The following DHX57 variants were observed in gnomAD, a reference collection of about 807,000 sequenced individuals.
The protein encoded by DHX57 is putative ATP-dependent RNA helicase DHX57.
DHX57 carries 105 observed loss-of-function variants against 156.2 expected under a neutral mutation model. The ratio of observed to expected loss-of-function variants is 0.67; its 90% CI spans 0.57 to 0.79. The LOEUF (loss-of-function observed/expected upper bound fraction) is 0.79, where lower values mean the gene tolerates loss of function less well. Ranked by LOEUF, DHX57 falls within the 30% of genes least tolerant of loss-of-function variation. The pLI is 0.00. For missense variants in DHX57, 1,847 were observed against 1,661.9 expected (o/e 1.11, Z -1.94); for synonymous variants, 704 against 595.6 (o/e 1.18, Z -2.65).
At chr2:38,857,707 C>T (rs1252402510) in intron 6 of DHX57, among the ~76,000 whole-genome samples, 2 of 152,192 alleles carry the variant, frequency 1.3e-5, no homozygotes, top group Non-Finnish European at 2.9e-5. Flanking sequence ...TCAGGATTCA[C>T]TTATGAATTC....
intron 13 of DHX57, among the ~76,000 whole-genome samples, chr2:38,837,024 T>C (rs1671710400): frequency 6.6e-6 from 1 of 152,060 alleles, no homozygotes; most frequent in East Asian, 2.0e-4. Flanking sequence ...ATTTTTGCAC[T>C]TTTTTGTAGA....
chr2:38,853,872 C>A (rs1360602751), intron 9 of DHX57, 182 bp downstream of exon 9: 3 of 501,462 alleles, frequency 6.0e-6, no homozygotes, highest in African/African-American at 3.9e-5. Context: ...CATGTGCTGT[C>A]CTTTTTAGTG....
At chr2:38,827,117 G>A (rs1427009549) in intron 14 of DHX57, among the ~76,000 whole-genome samples, 1 of 150,024 alleles carries the variant, frequency 6.7e-6, no homozygotes, top group Non-Finnish European at 1.5e-5. Flanking sequence ...GGCGACAATA[G>A]TGAGACTCCG....
At chr2:38,860,491 T>C (rs1360144225) in intron 5 of DHX57, among the ~76,000 whole-genome samples, 1 of 151,890 alleles carries the variant, frequency 6.6e-6, no homozygotes, top group Non-Finnish European at 1.5e-5. Flanking sequence ...TAAACCTAGA[T>C]CTAGACAAAG....
chr2:38,804,325 T>C (rs1669839532), intron 22 of DHX57, among the ~76,000 whole-genome samples: 1 of 152,022 alleles, frequency 6.6e-6, no homozygotes, highest in Admixed American at 6.6e-5. Flanking sequence ...ACCCCGTCTC[T>C]ACAAAACTGC....
intron 21 of DHX57, 73 bp downstream of exon 21, chr2:38,813,748 C>T (rs761815445): frequency 6.5e-5 from 96 of 1,485,982 alleles, no homozygotes; most frequent in Admixed American, 2.2e-4. Context: ...GATTAATATG[C>T]ACATCTTAAC....
intron 1 of DHX57, among the ~76,000 whole-genome samples, chr2:38,873,784 A>C (rs1173055625): frequency 6.6e-6 from 1 of 152,220 alleles, no homozygotes; most frequent in African/African-American, 2.4e-5. Context: ...CACAGACATT[A>C]AACAAATAGA....
rs538914721 is a variant in DHX57 at position 38,843,199 on chromosome 2, T to G, written c.2231A>C (p.Gln744Pro). 7.4e-6 allele frequency: 12 copies of G among 1,614,058 alleles called. No individual in the cohort carries two copies. In the African/African-American group the frequency reaches 1.6e-4, roughly 21 times the overall value. The change falls in exon 12 of 24, where the codon CAG becomes CCG. Residue 744 changes from glutamine to proline, a missense_variant. Transcript: ENST00000457308. ...DAIAVTRYVLQDGSPYMRSMK... is the reference protein window; with the variant it reads ...DAIAVTRYVLPDGSPYMRSMK... ...GGACCGCATATATGGGCTCCCATCC[T>G]GTAATACATACCTGAGAAAGACAAA...
intron 22 of DHX57, among the ~76,000 whole-genome samples, chr2:38,803,894 G>A (rs1305370773): frequency 6.6e-6 from 1 of 151,818 alleles, no homozygotes; most frequent in Non-Finnish European, 1.5e-5. Flanking sequence ...TGATTCCCCT[G>A]CCTCAGCCTC....
chr2:38,808,322 C>T (rs932975522), intron 21 of DHX57, among the ~76,000 whole-genome samples: 11 of 152,130 alleles, frequency 7.2e-5, no homozygotes, highest in African/African-American at 2.4e-4. Context: ...AACATAAACA[C>T]ATAAATAAAA....
intron 12 of DHX57, chr2:38,838,734 T>C (rs1428103657): frequency 1.5e-5 from 7 of 453,642 alleles, no homozygotes; most frequent in South Asian, 6.3e-5. Context: ...TCGCTGAACC[T>C]TTAGGTTCCT....
At chr2:38,850,348 T>C (rs1672519306) in intron 9 of DHX57, among the ~76,000 whole-genome samples, 1 of 152,118 alleles carries the variant, frequency 6.6e-6, no homozygotes, top group Non-Finnish European at 1.5e-5. Flanking sequence ...AGTGGCGTTA[T>C]CATGGCTCAC....
intron 13 of DHX57, 69 bp from the exon 14 acceptor site, chr2:38,828,505 T>A (rs1005897950): frequency 8.2e-6 from 9 of 1,098,584 alleles, no homozygotes; most frequent in South Asian, 4.7e-5. Flanking sequence ...AAAATTTTTT[T>A]AAAAAAGAAT....
At chr2:38,810,848 T>G (rs1056928839) in intron 21 of DHX57, 6 of 742,776 alleles carry the variant, frequency 8.1e-6, no homozygotes, top group African/African-American at 1.7e-5. Flanking sequence ...CCTCAGGACT[T>G]CATTTCAATG....
chr2:38,872,959 G>C (rs187779444), intron 1 of DHX57, among the ~76,000 whole-genome samples: 1 of 151,950 alleles, frequency 6.6e-6, no homozygotes, highest in African/African-American at 2.4e-5. Flanking sequence ...CCAGGATATA[G>C]ACCATACTAG....
chr2:38,816,703 A>G (rs1670563539), intron 19 of DHX57, among the ~76,000 whole-genome samples: 1 of 152,202 alleles, frequency 6.6e-6, no homozygotes, highest in South Asian at 2.1e-4. Flanking sequence ...TGGTTTAAGT[A>G]TTTTCTTGGA....
chr2:38,846,563 G>T lies in DHX57; in HGVS notation c.2219+456C>A, dbSNP rs150245531. On this transcript the variant is annotated intron_variant, in intron 11 of 23. Transcript: ENST00000457308. ...AGCCAGGTATTCGAGGCTGCAGTGAGCTATGATTACACCACTGCACACCAG... is the reference window on the plus strand; with the variant it reads ...AGCCAGGTATTCGAGGCTGCAGTGATCTATGATTACACCACTGCACACCAG... 1.9e-4 allele frequency among the ~76,000 whole-genome samples: 29 copies of T among 149,738 alleles called. 1 individual carries two copies. Among genetic ancestry groups the T allele is most frequent in the African/African-American group, 5.9e-4 (24 of 40,662 alleles).
intron 21 of DHX57, among the ~76,000 whole-genome samples, chr2:38,813,328 T>C (rs1469284746): frequency 6.6e-6 from 1 of 152,154 alleles, no homozygotes; most frequent in Admixed American, 6.5e-5. Flanking sequence ...TATTGAATAA[T>C]GTATCCAAAC....
At chr2:38,822,435 C>T (rs185389226) in intron 17 of DHX57, among the ~76,000 whole-genome samples, 368 of 149,522 alleles carry the variant, frequency 2.5e-3, no homozygotes, top group Non-Finnish European at 3.9e-3. Flanking sequence ...CTTGCTCTGT[C>T]GCCAGGCTGG....
Sources: gnomAD v4.1 joint callset for allele counts (sites outside exome capture counted in the v4.1 genomes callset) on GRCh38, gnomAD v4.1.1 for gene constraint, MANE v1.5 for transcripts, NCBI Gene and HGNC (gene_info 2026-07-23, HGNC 2026-07-21) for gene names.